STAP1: variants seen among roughly 807,000 people sequenced by gnomAD.
STAP1 encodes the protein signal transducing adaptor family member 1, also known as signal-transducing adaptor protein 1.
STAP1 carries 30 observed loss-of-function variants against 37.8 expected under a neutral mutation model. The observed-to-expected ratio is 0.79, with a 90% CI of 0.59 to 1.08. The LOEUF (loss-of-function observed/expected upper bound fraction) is 1.08. Ranked by LOEUF, STAP1 falls within the 50% of genes least tolerant of loss-of-function variation. The pLI, the probability that STAP1 is intolerant of heterozygous loss-of-function variation, is 0.00. For synonymous variants in STAP1, 130 were observed against 116.0 expected, an observed-to-expected ratio of 1.12 and a Z score of -0.78; for missense variants, 357 against 349.4, an observed-to-expected ratio of 1.02 and a Z score of -0.17.
At chr4:67,577,281 A>T in intron 4 of STAP1, 22 bp downstream of exon 4, 5 of 1,585,394 alleles carry the variant, frequency 3.2e-6, no homozygotes, top group Non-Finnish European at 4.3e-6. Flanking sequence ...ACTGCTTTTG[A>T]TTGATTCTTT....
chr4:67,567,787 C>T (rs1727504132), intron 1 of STAP1, among the ~76,000 whole-genome samples: 2 of 152,158 alleles, frequency 1.3e-5, no homozygotes, highest in Non-Finnish European at 2.9e-5. Context: ...CTCCAGTTGT[C>T]CCTCCCTTCC....
chr4:67,605,348 C>T (rs1314685464), intron 8 of STAP1, among the ~76,000 whole-genome samples: 1 of 149,394 alleles, frequency 6.7e-6, no homozygotes, highest in Admixed American at 6.7e-5. Context: ...CTAGGGGCCC[C>T]ACCCTCAGGG....
intron 6 of STAP1, among the ~76,000 whole-genome samples, chr4:67,588,910 A>G (rs1357463330): frequency 6.6e-6 from 1 of 152,206 alleles, no homozygotes; most frequent in Non-Finnish European, 1.5e-5. Flanking sequence ...AAGAAGTAGT[A>G]AAAATGGTTA....
At chr4:67,568,552 G>A (rs1176687371) in intron 1 of STAP1, among the ~76,000 whole-genome samples, 1 of 152,074 alleles carries the variant, frequency 6.6e-6, no homozygotes, top group Non-Finnish European at 1.5e-5. Context: ...AATGAAATGG[G>A]AGTTTAACTA....
chr4:67,575,152 T>A (rs1727689989), intron 2 of STAP1, among the ~76,000 whole-genome samples: 2 of 152,222 alleles, frequency 1.3e-5, no homozygotes, highest in Non-Finnish European at 2.9e-5. Flanking sequence ...GTTTAACAAC[T>A]TGCTTGCAAA....
intron 2 of STAP1, among the ~76,000 whole-genome samples, chr4:67,574,485 C>A (rs1727675632): frequency 6.6e-6 from 1 of 152,068 alleles, no homozygotes; most frequent in African/African-American, 2.4e-5. Flanking sequence ...TGAGCAATTT[C>A]TTTGCTGAAT....
rs1390724436 is a variant in STAP1, at chr4:67,606,956, T to C, written c.*599T>C. The C allele has an allele frequency of 6.6e-6, 1 of 152,214 alleles. No homozygotes were observed. The highest frequency in any genetic ancestry group is 1.5e-5 in the Non-Finnish European group (1 of 68,042). The allele number at this position is 152,214 out of a possible 1,614,324, so 9.4% of individuals were successfully genotyped here. A position where few individuals can be genotyped will look rare whatever the true frequency, so the allele number is the denominator to read the frequency against. Reference sequence around the variant, plus strand: ...TCAGCCCATTATTTCCTTACAAAGATGGTGAAAGGCTGTATCATCATCTTG... The same window carrying C: ...TCAGCCCATTATTTCCTTACAAAGACGGTGAAAGGCTGTATCATCATCTTG... On this transcript the variant is annotated 3_prime_UTR_variant, in exon 9 of 9. Transcript: ENST00000265404.
intron 8 of STAP1, among the ~76,000 whole-genome samples, chr4:67,601,585 T>C (rs553419425): frequency 1.4e-3 from 220 of 152,316 alleles, no homozygotes; most frequent in Non-Finnish European, 2.2e-3. Flanking sequence ...TAGGAAAGTA[T>C]GTCTCCTCCA....
At chr4:67,565,935 T>TA (rs1491461386) in intron 1 of STAP1, among the ~76,000 whole-genome samples, 1 of 24,700 alleles carries the variant, frequency 4.0e-5, no homozygotes, top group African/African-American at 1.0e-4. Context: ...ACCCAACTGC[T>TA]TTTTTTTTTT....
chr4:67,599,843 T>C (rs1239995179), intron 8 of STAP1, among the ~76,000 whole-genome samples: 1 of 152,060 alleles, frequency 6.6e-6, no homozygotes, highest in Non-Finnish European at 1.5e-5. Context: ...GGTTTCACCA[T>C]GTTGGCCAGG....
intron 6 of STAP1, among the ~76,000 whole-genome samples, chr4:67,589,385 G>A (rs1728073532): frequency 6.6e-6 from 1 of 152,146 alleles, no homozygotes; most frequent in Non-Finnish European, 1.5e-5. Context: ...GAATTTATGA[G>A]CTGTTTCCAT....
chr4:67,575,543 A>G, intron 3 of STAP1, 45 bp downstream of exon 3: 1 of 1,370,228 alleles, frequency 7.3e-7, no homozygotes, highest in South Asian at 1.3e-5. Context: ...GTGGTTATAA[A>G]TAACATTCTT....
chr4:67,598,399 A>G (rs1013052640), intron 8 of STAP1, among the ~76,000 whole-genome samples: 1 of 152,060 alleles, frequency 6.6e-6, no homozygotes, highest in Non-Finnish European at 1.5e-5. Flanking sequence ...TCCCACTAAC[A>G]GTGTATGAAG....
At chr4:67,575,832 C>A (rs1260605032) in intron 3 of STAP1, among the ~76,000 whole-genome samples, 1 of 152,110 alleles carries the variant, frequency 6.6e-6, no homozygotes, top group African/African-American at 2.4e-5. Context: ...ATAAAGAGAA[C>A]AACTTGTATT....
chr4:67,584,533 A>G (rs1727938020), intron 6 of STAP1, among the ~76,000 whole-genome samples: 1 of 152,174 alleles, frequency 6.6e-6, no homozygotes, highest in Non-Finnish European at 1.5e-5. Flanking sequence ...CAAAGGGAGC[A>G]CATTTTTATG....
intron 6 of STAP1, among the ~76,000 whole-genome samples, chr4:67,586,230 A>G (rs145411530): frequency 1.7e-3 from 259 of 152,266 alleles, no homozygotes; most frequent in African/African-American, 6.0e-3. Context: ...AGGCTGAAGC[A>G]GGTGGATCAT....
chr4:67,604,926 G>C (rs563509402), intron 8 of STAP1, among the ~76,000 whole-genome samples: 48 of 152,202 alleles, frequency 3.2e-4, no homozygotes, highest in Non-Finnish European at 4.1e-4. Context: ...TGTGGTTTAT[G>C]CCTTAGTTTA....
chr4:67,560,646 GTGTGTCT>G (rs1727314559), intron 1 of STAP1, among the ~76,000 whole-genome samples: 1 of 151,362 alleles, frequency 6.6e-6, no homozygotes, highest in Non-Finnish European at 1.5e-5. Flanking sequence ...GTGTGTGGGT[GTGTGTCT>G]GTGTGTGTGT....
At chr4:67,577,405 T>A in intron 4 of STAP1, 146 bp downstream of exon 4, 1 of 556,136 alleles carries the variant, frequency 1.8e-6, no homozygotes, top group Non-Finnish European at 3.0e-6. Flanking sequence ...CTTATGAACA[T>A]TATATTTTCA....
Sources: gnomAD v4.1 joint callset for allele counts (sites outside exome capture counted in the v4.1 genomes callset) on GRCh38, gnomAD v4.1.1 for gene constraint, MANE v1.5 for transcripts, NCBI Gene and HGNC (gene_info 2026-07-23, HGNC 2026-07-21) for gene names.